Variants in GADL1 observed in about 807,000 individuals in gnomAD.
GADL1 encodes GAD like acidic amino acid decarboxylase 1, also known as acidic amino acid decarboxylase GADL1.
GADL1 carries 71 observed loss-of-function variants against 69.5 expected under a neutral mutation model. The observed-to-expected ratio is 1.02, with a 90% CI of 0.84 to 1.25. The LOEUF (loss-of-function observed/expected upper bound fraction) is 1.25, where lower values mean the gene tolerates loss of function less well. Ranked by LOEUF, GADL1 falls within the 50% of genes most tolerant of loss-of-function variation. The pLI is 0.00. For synonymous variants in GADL1, 254 were observed against 214.4 expected, an observed-to-expected ratio of 1.18 and a Z score of -1.62; for missense variants, 737 against 631.8, an observed-to-expected ratio of 1.17 and a Z score of -1.79.
At chr3:30,851,026 T>A in intron 4 of GADL1, 85 bp from the exon 5 acceptor site, 1 of 767,228 alleles carries the variant, frequency 1.3e-6, no homozygotes, top group Non-Finnish European at 2.1e-6. Flanking sequence ...AGAGTTCTAT[T>A]AAACCAAGTG....
intron 12 of GADL1, chr3:30,800,419 A>G (rs1366247875): frequency 6.1e-6 from 1 of 164,522 alleles, no homozygotes; most frequent in Non-Finnish European, 1.3e-5. Flanking sequence ...CTCCCACAAC[A>G]CCTGGGAATT....
chr3:30,812,523 A>G (rs1697377401), intron 11 of GADL1, among the ~76,000 whole-genome samples: 1 of 152,188 alleles, frequency 6.6e-6, no homozygotes, highest in African/African-American at 2.4e-5. Context: ...CCCTATTATA[A>G]GAATAGCATG....
intron 11 of GADL1, among the ~76,000 whole-genome samples, chr3:30,806,844 C>T (rs1179768341): frequency 6.6e-6 from 1 of 152,140 alleles, no homozygotes; most frequent in East Asian, 1.9e-4. Flanking sequence ...CTAGAGTAGC[C>T]AAGTCACCAC....
At chr3:30,842,317 A>G (rs1392318009) in intron 8 of GADL1, among the ~76,000 whole-genome samples, 1 of 151,572 alleles carries the variant, frequency 6.6e-6, no homozygotes, top group African/African-American at 2.4e-5. Context: ...AACTATTTAT[A>G]GATCAAATGG....
At chr3:30,743,023 C>CT (rs2125473875) in intron 14 of GADL1, among the ~76,000 whole-genome samples, 1 of 151,996 alleles carries the variant, frequency 6.6e-6, no homozygotes, top group Non-Finnish European at 1.5e-5. Context: ...CACCAGCTGA[C>CT]TAATCCATCT....
At chr3:30,743,536 A>G (rs1185779849) in intron 14 of GADL1, among the ~76,000 whole-genome samples, 3 of 152,176 alleles carry the variant, frequency 2.0e-5, no homozygotes, top group African/African-American at 7.2e-5. Flanking sequence ...CGTATGGAAG[A>G]CAAGGAAAGT....
chr3:30,800,819 AC>A, intron 12 of GADL1, 69 bp downstream of exon 12: 1 of 877,550 alleles, frequency 1.1e-6, no homozygotes, highest in Non-Finnish European at 1.6e-6. Flanking sequence ...ACACACACAC[AC>A]ACACACACAC....
intron 14 of GADL1, among the ~76,000 whole-genome samples, chr3:30,767,646 A>AT (rs934025311): frequency 4.6e-5 from 7 of 152,166 alleles, no homozygotes; most frequent in South Asian, 2.1e-4. Flanking sequence ...AGGAGATGGA[A>AT]TAGAATATCA....
rs549911255 is a variant in GADL1 at position 30,762,910 on chromosome 3, T to TG, written c.1392+15268dup. ...CCAGTTCATCCATGTTTCAAATGAC[T>TG]GGATCTCATTCTTTTATGGTTGACT... On this transcript the variant is annotated intron_variant, in intron 14 of 14. Coordinates refer to ENST00000282538, the MANE Select transcript of GADL1 (RefSeq NM_207359.3). 1.9e-3 allele frequency among the ~76,000 whole-genome samples: 286 copies of TG among 152,332 alleles called. 2 individuals carry two copies. The highest frequency in any genetic ancestry group is 6.6e-3 in the African/African-American group (276 of 41,582).
intron 11 of GADL1, among the ~76,000 whole-genome samples, chr3:30,827,928 A>C (rs1468726630): frequency 1.3e-5 from 2 of 151,856 alleles, no homozygotes; most frequent in Non-Finnish European, 2.9e-5. Context: ...AATCAGTTTT[A>C]AACACCTACC....
intron 11 of GADL1, among the ~76,000 whole-genome samples, chr3:30,815,461 C>T (rs890197593): frequency 2.3e-4 from 35 of 152,146 alleles, no homozygotes; most frequent in African/African-American, 7.5e-4. Context: ...GCAAGTGTCC[C>T]GAAGGGAACA....
intron 14 of GADL1, among the ~76,000 whole-genome samples, chr3:30,740,456 T>G (rs1695600559): frequency 6.6e-6 from 1 of 151,904 alleles, no homozygotes; most frequent in Non-Finnish European, 1.5e-5. Flanking sequence ...AAACCAAGCT[T>G]CTTTTGCTTA....
rs1176943986 is a variant in GADL1 at position 30,770,957 on chromosome 3, TAATC to T, written c.1392+7218_1392+7221del. On this transcript the variant is annotated intron_variant, in intron 14 of 14. Transcript: ENST00000282538. Reference sequence around the variant, plus strand: ...ATGTTTAGACCACAAAACAATATATTAATCAGCAAATAAGCAAAGTAATAACAAA... The same window carrying T: ...ATGTTTAGACCACAAAACAATATATTAGCAAATAAGCAAAGTAATAACAAA... Among the ~76,000 whole-genome samples the T allele has an allele frequency of 3.3e-5, 5 of 152,290 alleles. No individual in the cohort carries two copies. In the East Asian group the frequency reaches 7.7e-4, roughly 24 times the overall value.
chr3:30,877,230 T>C (rs959552776), intron 1 of GADL1, among the ~76,000 whole-genome samples: 2 of 151,866 alleles, frequency 1.3e-5, no homozygotes. Context: ...TAACATCTCT[T>C]CTCTTTCCAT....
At chr3:30,832,096 G>A (rs571237227) in intron 11 of GADL1, among the ~76,000 whole-genome samples, 11 of 151,668 alleles carry the variant, frequency 7.3e-5, no homozygotes, top group Non-Finnish European at 1.6e-4. Context: ...GCAGAAACCA[G>A]GTACAAAAGA....
chr3:30,810,421 A>G (rs1010552102), intron 11 of GADL1, among the ~76,000 whole-genome samples: 3 of 152,052 alleles, frequency 2.0e-5, no homozygotes, highest in African/African-American at 4.8e-5. Flanking sequence ...ATATAGAGAT[A>G]TATATATAGA....
chr3:30,855,581 C>A (rs768887490), intron 3 of GADL1, among the ~76,000 whole-genome samples: 4 of 151,944 alleles, frequency 2.6e-5, no homozygotes, highest in Admixed American at 6.6e-5. Flanking sequence ...CTTTAAGAGA[C>A]AAACAATGGC....
At chr3:30,793,988 G>T (rs1019983134) in intron 12 of GADL1, among the ~76,000 whole-genome samples, 1 of 152,096 alleles carries the variant, frequency 6.6e-6, no homozygotes, top group Non-Finnish European at 1.5e-5. Flanking sequence ...AGACACCCAC[G>T]TGCTCTATTC....
At chr3:30,791,303 TATG>T (rs1559500860) in intron 12 of GADL1, among the ~76,000 whole-genome samples, 1 of 152,208 alleles carries the variant, frequency 6.6e-6, no homozygotes, top group Non-Finnish European at 1.5e-5. Context: ...AAAAGCTTGT[TATG>T]ATTTCATCCT....
Sources: gnomAD v4.1 joint callset for allele counts (sites outside exome capture counted in the v4.1 genomes callset) on GRCh38, gnomAD v4.1.1 for gene constraint, MANE v1.5 for transcripts, NCBI Gene and HGNC (gene_info 2026-07-23, HGNC 2026-07-21) for gene names.